CCDC136: variants seen among roughly 807,000 people sequenced by gnomAD.
CCDC136 encodes coiled-coil domain-containing protein 136.
Under a neutral mutation model 141.2 loss-of-function variants are expected in CCDC136, and 100 were observed. The ratio of observed to expected loss-of-function variants is 0.71; its 90% CI spans 0.60 to 0.84. The LOEUF is 0.84. Among genes scored for constraint, CCDC136 ranks in the 40% least tolerant of loss-of-function variants. CCDC136 has a pLI of 0.00. For synonymous variants in CCDC136, 474 were observed against 531.9 expected (o/e 0.89, Z 1.50); for missense variants, 1,206 against 1,379.4 (o/e 0.87, Z 1.99).
chr7:128,791,557 A>G, upstream of CCDC136: 1 of 1,260,466 alleles, frequency 7.9e-7, no homozygotes, highest in Non-Finnish European at 1.0e-6. The surrounding 1 kb of genome is among the most constrained non-coding windows in gnomAD (Gnocchi z 7.1). Context: ...CCCAGGTCAG[A>G]GCCGCCCCTC....
At chr7:128,793,479 G>A (rs1197462943) in intron 1 of CCDC136, among the ~76,000 whole-genome samples, 3 of 152,116 alleles carry the variant, frequency 2.0e-5, no homozygotes, top group African/African-American at 4.8e-5. Flanking sequence ...TTGAAAGGGC[G>A]CCCGAGTTTG....
chr7:128,805,869 CT>C lies in CCDC136; in HGVS notation c.1059del (p.Arg354GlyfsTer14), dbSNP rs907519197. ...RELKCAQNEV[L>X]RFQTSHSVTQ... Reference sequence around the variant, plus strand: ...GCTCAAGTGTGCTCAGAATGAGGTGCTTCGGTTTCAGACCTCCCACAGTGTC... The same window carrying C: ...GCTCAAGTGTGCTCAGAATGAGGTGCTCGGTTTCAGACCTCCCACAGTGTC... On this transcript the variant is annotated frameshift_variant, in exon 7 of 18. Transcript: ENST00000297788. LOFTEE classifies it high-confidence loss of function. The surrounding 1 kb of genome is among the most constrained non-coding windows in gnomAD (Gnocchi z 4.6). 1 of 1,613,820 alleles carries C rather than the reference CT, an allele frequency of 6.2e-7. No homozygotes were observed. Among genetic ancestry groups the C allele is most frequent in the Non-Finnish European group, 8.5e-7 (1 of 1,179,898 alleles).
At chr7:128,815,101 A>T (rs1351003347) in intron 15 of CCDC136, among the ~76,000 whole-genome samples, 182 bp downstream of exon 15, 2 of 152,174 alleles carry the variant, frequency 1.3e-5, no homozygotes, top group Non-Finnish European at 2.9e-5. Context: ...CTGTGAAGTT[A>T]TGGGGAGAGT....
At chr7:128,809,357 A>G in intron 10 of CCDC136, 93 bp from the exon 11 acceptor site, 1 of 834,390 alleles carries the variant, frequency 1.2e-6, no homozygotes, top group South Asian at 1.7e-5. Context: ...AGAGGATCAC[A>G]AGAGGCAGGA....
rs536618519 is a variant in CCDC136 at position 128,817,318 on chromosome 7, G to A, written c.3364-440G>A. Among the ~76,000 whole-genome samples the A allele has an allele frequency of 6.6e-6, 1 of 152,232 alleles. No individual in the cohort carries two copies. The highest frequency in any genetic ancestry group is 2.1e-4 in the South Asian group (1 of 4,812). ...CATTAGATTCCTAGGGGATCTAAGGGACCAGAGCCCAAAATACTAAGAAAC... is the reference window on the plus strand; with the variant it reads ...CATTAGATTCCTAGGGGATCTAAGGAACCAGAGCCCAAAATACTAAGAAAC... On this transcript the variant is annotated intron_variant, in intron 16 of 17. Transcript: ENST00000297788. The surrounding 1 kb of genome is among the most constrained non-coding windows in gnomAD (Gnocchi z 4.6).
rs371393598 is a variant in CCDC136 at position 128,815,892 on chromosome 7, C to T, written c.3324C>T (p.Pro1108=). The part of the protein sequence containing the change: ...EDDADSSLES[P]EENNPLRLSE... ...ACGCCGACTCTTCCCTTGAAAGTCC[C>T]GAAGAAAATAACCCCCTCAGACTTT... The change falls in exon 16 of 18, where the codon CCC becomes CCT. Residue 1108 remains proline, a synonymous_variant. Coordinates refer to ENST00000297788, the MANE Select transcript of CCDC136 (RefSeq NM_022742.5). 7.4e-5 allele frequency: 119 copies of T among 1,613,650 alleles called. 1 individual carries two copies. The highest frequency in any genetic ancestry group is 5.7e-4 in the African/African-American group (43 of 74,948).
chr7:128,791,949 G>GC (rs199693988), upstream of CCDC136: 1,174 of 854,394 alleles, frequency 1.4e-3, 15 homozygotes, highest in African/African-American at 0.02. The surrounding 1 kb of genome is among the most constrained non-coding windows in gnomAD (Gnocchi z 7.1). Context: ...CTTCCCGCAC[G>GC]CCCCCCACTC....
Position 128,811,944 on chromosome 7 carries a change from G to A in CCDC136, c.2173G>A (p.Glu725Lys), listed in dbSNP as rs1216411807. 5 of 1,613,982 alleles carry A rather than the reference G, an allele frequency of 3.1e-6. No individual in the cohort carries two copies. Among genetic ancestry groups the A allele is most frequent in the East Asian group, 2.2e-5 (1 of 44,880 alleles). ...GCAGGCAGACTTGCAGCTCTGCCTG[G>A]AAGAAATGCAGCTGCTTCAAGTCCA... Reference protein sequence around the residue: ...RLQADLQLCLEEMQLLQVQSP... With the variant: ...RLQADLQLCLKEMQLLQVQSP... The change falls in exon 13 of 18, where the codon GAA (glutamate) becomes AAA (lysine). Residue 725 changes from glutamate (E) to lysine (K), a missense_variant. By Grantham distance (56) the Glu-to-Lys change is moderately conservative. Transcript: ENST00000297788.
chr7:128,812,572 G>C, intron 13 of CCDC136, 136 bp from the exon 14 acceptor site: 1 of 739,210 alleles, frequency 1.4e-6, no homozygotes, highest in Non-Finnish European at 2.3e-6. Context: ...TCTTTATGGG[G>C]GTAAATATAG....
At chr7:128,812,657 G>A (rs1243706671) in intron 13 of CCDC136, 51 bp from the exon 14 acceptor site, 21 of 1,413,692 alleles carry the variant, frequency 1.5e-5, no homozygotes, top group Admixed American at 5.5e-5. Flanking sequence ...AGAGTAGGGC[G>A]GAGCTTAGGT....
At chr7:128,796,230 A>G (rs942383625) in intron 3 of CCDC136, among the ~76,000 whole-genome samples, 23 of 152,182 alleles carry the variant, frequency 1.5e-4, no homozygotes, top group African/African-American at 5.3e-4. Context: ...CAGTTAGGAA[A>G]GTCATCTTTG....
intron 3 of CCDC136, among the ~76,000 whole-genome samples, chr7:128,799,257 T>C (rs1332528615): frequency 6.7e-6 from 1 of 148,360 alleles, no homozygotes; most frequent in African/African-American, 2.5e-5. Context: ...GGAGGGAGGA[T>C]TGCTTGAGCC....
intron 15 of CCDC136, among the ~76,000 whole-genome samples, 193 bp downstream of exon 15, chr7:128,815,112 G>A (rs1280893584): frequency 6.6e-6 from 1 of 152,172 alleles, no homozygotes; most frequent in African/African-American, 2.4e-5. Flanking sequence ...TGGGGAGAGT[G>A]GAACACAGAC....
In CCDC136 at chr7:128,812,225, C is replaced by T. The variant is rs757440475; in HGVS notation, c.2454C>T (p.Tyr818=). ...SNSSITYKKS[Y]GSTSSSDTCQ... ...GCAGCATTACCTATAAGAAGAGTTACGGCAGCACCAGTAGCTCTGACACCT... is the reference window on the plus strand; with the variant it reads ...GCAGCATTACCTATAAGAAGAGTTATGGCAGCACCAGTAGCTCTGACACCT... The change falls in exon 13 of 18, where the codon TAC becomes TAT. Residue 818 remains tyrosine, a synonymous_variant. Transcript: ENST00000297788. 6.8e-6 allele frequency: 11 copies of T among 1,613,934 alleles called. No homozygotes were observed. The East Asian group carries it at 8.9e-5, about 13-fold the overall frequency.
Position 128,815,883 on chromosome 7 carries a change from T to G in CCDC136, c.3315T>G (p.Leu1105=), listed in dbSNP as rs559359881. Residue 1105 remains leucine, a synonymous_variant, in exon 16 of 18, where the codon CTT becomes CTG. Transcript: ENST00000297788. ...EEEEDDADSS[L]ESPEENNPLR... is the part of the protein sequence containing the mutation. Reference sequence around the variant, plus strand: ...AGGAGGATGACGCCGACTCTTCCCTTGAAAGTCCCGAAGAAAATAACCCCC... The same window carrying G: ...AGGAGGATGACGCCGACTCTTCCCTGGAAAGTCCCGAAGAAAATAACCCCC... 1.2e-6 allele frequency: 2 copies of G among 1,613,774 alleles called. No homozygotes were observed. Among genetic ancestry groups the G allele is most frequent in the African/African-American group, 1.3e-5 (1 of 74,982 alleles).
intron 10 of CCDC136, chr7:128,809,112 T>C (rs1412496369): frequency 2.7e-6 from 1 of 374,418 alleles, no homozygotes; most frequent in Non-Finnish European, 3.9e-6. Context: ...GGTGGGAATA[T>C]GGTGTATAAA....
rs1416716959 is a variant in CCDC136 at position 128,814,629 on chromosome 7, T to C, written c.2764-9T>C. 1 of 1,548,854 alleles carries C rather than the reference T, an allele frequency of 6.5e-7. No homozygotes were observed. The highest frequency in any genetic ancestry group is 8.7e-7 in the Non-Finnish European group (1 of 1,147,854). Reference sequence around the variant, plus strand: ...CAACTCTGGGTAACTGGCCCTCCACTACCAACAGATCAAAGAACTGCAGAC... The same window carrying C: ...CAACTCTGGGTAACTGGCCCTCCACCACCAACAGATCAAAGAACTGCAGAC... On this transcript the variant is annotated splice_polypyrimidine_tract_variant and intron_variant, in intron 14 of 17. Coordinates refer to ENST00000297788, the MANE Select transcript of CCDC136 (RefSeq NM_022742.5).
chr7:128,809,428 C>G, intron 10 of CCDC136, 22 bp from the exon 11 acceptor site: 1 of 1,385,136 alleles, frequency 7.2e-7, no homozygotes, highest in Non-Finnish European at 1.0e-6. Flanking sequence ...ACCACCCCCT[C>G]CACACCCGCC....
chr7:128,808,658 C>T (rs564376742), intron 10 of CCDC136: 260 of 985,210 alleles, frequency 2.6e-4, no homozygotes, highest in Middle Eastern at 1.0e-3. Context: ...CTTCAGGAGA[C>T]GGAGGACTGG....
Sources: allele counts gnomAD v4.1 joint callset (sites outside exome capture counted in the v4.1 genomes callset), GRCh38; gene constraint gnomAD v4.1.1; non-coding constraint Gnocchi (gnomAD v3.1); transcripts MANE v1.5; gene names NCBI Gene and HGNC (gene_info 2026-07-23, HGNC 2026-07-21).